The following CCDC122 variants were observed in gnomAD, a reference collection of about 807,000 sequenced individuals.
The protein encoded by CCDC122 is coiled-coil domain-containing protein 122.
A neutral mutation model predicts 37.0 loss-of-function variants in CCDC122; 38 were observed. That is an observed-to-expected ratio of 1.03 (90% confidence interval 0.79 to 1.35). CCDC122 has a LOEUF of 1.35. Among genes scored for constraint, CCDC122 ranks in the 40% most tolerant of loss-of-function variants. CCDC122 has a pLI of 0.00. For missense variants in CCDC122, 305 were observed against 310.0 expected (o/e 0.98, Z 0.12); for synonymous variants, 83 against 95.6 (o/e 0.87, Z 0.77).
intron 2 of CCDC122, among the ~76,000 whole-genome samples, chr13:43,874,179 G>A (rs369911077): frequency 2.6e-5 from 4 of 152,236 alleles, no homozygotes; most frequent in African/African-American, 9.6e-5. Context: ...TTTAAATCTA[G>A]ATTGCACTAC....
chr13:43,831,475 A>G (rs1404431445), downstream of CCDC122, among the ~76,000 whole-genome samples: 1 of 152,218 alleles, frequency 6.6e-6, no homozygotes, highest in Non-Finnish European at 1.5e-5. Flanking sequence ...TCTCCAATAC[A>G]AGCATTGGGA....
intron 6 of CCDC122, among the ~76,000 whole-genome samples, chr13:43,851,105 C>T (rs1008169847): frequency 6.6e-6 from 1 of 151,666 alleles, no homozygotes; most frequent in Non-Finnish European, 1.5e-5. Context: ...GCAAAAATAG[C>T]CTTTAGGAAT....
intron 4 of CCDC122, among the ~76,000 whole-genome samples, chr13:43,863,128 G>C (rs1045962036): frequency 6.6e-6 from 1 of 151,920 alleles, no homozygotes; most frequent in Non-Finnish European, 1.5e-5. Flanking sequence ...GATAATAAAC[G>C]TAGTCATTAT....
intron 6 of CCDC122, 126 bp from the exon 7 acceptor site, chr13:43,837,555 T>C: frequency 1.3e-6 from 1 of 749,320 alleles, no homozygotes; most frequent in Non-Finnish European, 2.0e-6. Flanking sequence ...TAAATAATTA[T>C]GATAAAAATA....
intron 6 of CCDC122, among the ~76,000 whole-genome samples, chr13:43,853,373 A>G (rs1741008729): frequency 6.6e-6 from 1 of 152,232 alleles, no homozygotes; most frequent in Admixed American, 6.5e-5. Context: ...TTAAACCAGC[A>G]AAGATTTAAA....
intron 6 of CCDC122, among the ~76,000 whole-genome samples, chr13:43,857,486 G>A (rs899981364): frequency 1.3e-5 from 2 of 150,392 alleles, no homozygotes; most frequent in African/African-American, 4.9e-5. Flanking sequence ...GTGTGTGCAC[G>A]TGTGTATTAT....
chr13:43,821,327 T>C (rs1338526896), downstream of CCDC122, among the ~76,000 whole-genome samples: 1 of 152,164 alleles, frequency 6.6e-6, no homozygotes, highest in African/African-American at 2.4e-5. Flanking sequence ...AAGTTTAAGC[T>C]GTTCTCCTGC....
chr13:43,821,564 G>C (rs1952992779), downstream of CCDC122, among the ~76,000 whole-genome samples: 2 of 152,074 alleles, frequency 1.3e-5, no homozygotes, highest in Admixed American at 1.3e-4. Context: ...TTATCCCTTT[G>C]AATAAACTCT....
chr13:43,852,392 G>T (rs9533656), intron 6 of CCDC122, among the ~76,000 whole-genome samples: 1 of 151,756 alleles, frequency 6.6e-6, no homozygotes, highest in Non-Finnish European at 1.5e-5. Flanking sequence ...CTCAGAGATC[G>T]AAGACTGGCT....
intron 6 of CCDC122, among the ~76,000 whole-genome samples, chr13:43,844,546 C>T (rs1228466433): frequency 1.3e-5 from 2 of 151,978 alleles, no homozygotes; most frequent in Non-Finnish European, 2.9e-5. Context: ...TATATGTTTA[C>T]TGATATTCTG....
chr13:43,847,528 C>A (rs7339047), intron 6 of CCDC122, among the ~76,000 whole-genome samples: 134,277 of 152,174 alleles, frequency 0.88, 59,949 homozygotes, highest in South Asian at 0.98. Context: ...TAGCCTTGTG[C>A]AAGTTATTTA....
chr13:43,832,742 T>C (rs1953101866), downstream of CCDC122, among the ~76,000 whole-genome samples: 1 of 152,182 alleles, frequency 6.6e-6, no homozygotes, highest in South Asian at 2.1e-4. Context: ...TGTAGTTCCA[T>C]GTAGCTAAAA....
chr13:43,860,038 T>C lies in CCDC122; in HGVS notation c.189A>G (p.Ala63=). The C allele has an allele frequency of 6.5e-7, 1 of 1,536,868 alleles. No individual in the cohort carries two copies. Among genetic ancestry groups the C allele is most frequent in the Middle Eastern group, 1.7e-4 (1 of 5,786 alleles). ...TTTCTTTAGTTTCTGCAGAGATAGC[T>C]GCTATTTCTTTTTCAAGCTCATGAA... ...NELHELEKEI[A]AISAETKETE... is the part of the protein sequence containing the mutation. The change falls in exon 5 of 7, where the codon GCA becomes GCG. Residue 63 remains alanine (A), a synonymous_variant. Transcript: ENST00000444614.
intron 2 of CCDC122, among the ~76,000 whole-genome samples, chr13:43,870,071 T>C (rs1954397066): frequency 6.6e-6 from 1 of 152,124 alleles, no homozygotes; most frequent in Admixed American, 6.5e-5. Context: ...ACTAGTTACA[T>C]GTGTTTAAAA....
chr13:43,877,924 C>T (rs1954689657), intron 1 of CCDC122: 3 of 151,914 alleles, frequency 2.0e-5, no homozygotes, highest in South Asian at 4.1e-4. Context: ...GTTGCACTTG[C>T]AGTTCTGATT....
intron 6 of CCDC122, chr13:43,855,182 A>G (rs929512233): frequency 6.6e-6 from 1 of 152,190 alleles, no homozygotes; most frequent in African/African-American, 2.4e-5. Context: ...GAGGAAGCCA[A>G]ACTAGCCCTG....
Position 43,858,765 on chromosome 13 carries a change from G to C in CCDC122, c.672+16C>G, listed in dbSNP as rs751326970. On this transcript the variant is annotated intron_variant, in intron 6 of 6. Transcript: ENST00000444614. The stretch of plus-strand genomic sequence containing the variant: ...TGGTCCCATAAAACATTGAAATCTA[G>C]ATAATTAAGACTTACCTCTATTTCT... 1 of 1,364,904 alleles carries C rather than the reference G, an allele frequency of 7.3e-7. No homozygotes were observed. The highest frequency in any genetic ancestry group is 9.8e-7 in the Non-Finnish European group (1 of 1,021,686). The allele number at this position is 1,364,904 out of a possible 1,614,324, so 84.5% of individuals were successfully genotyped here.
chr13:43,860,280 C>T (rs1954065043), intron 4 of CCDC122, among the ~76,000 whole-genome samples: 1 of 151,810 alleles, frequency 6.6e-6, no homozygotes, highest in Non-Finnish European at 1.5e-5. Flanking sequence ...TTTTAATGTT[C>T]ATCTAATTCT....
chr13:43,823,579 C>A (rs1953011901), downstream of CCDC122, among the ~76,000 whole-genome samples: 1 of 152,222 alleles, frequency 6.6e-6, no homozygotes, highest in Admixed American at 6.5e-5. Context: ...CATCAGAGCA[C>A]TTATGGCCCA....
Sources: allele counts gnomAD v4.1 joint callset (sites outside exome capture counted in the v4.1 genomes callset), GRCh38; gene constraint gnomAD v4.1.1; transcripts MANE v1.5; gene names NCBI Gene and HGNC (gene_info 2026-07-23, HGNC 2026-07-21).